ARHGEF3: variants seen among roughly 807,000 people sequenced by gnomAD.
The protein encoded by ARHGEF3 is Rho guanine nucleotide exchange factor 3.
ARHGEF3 carries 28 observed loss-of-function variants against 63.2 expected under a neutral mutation model. The observed-to-expected ratio is 0.44, with a 90% CI of 0.33 to 0.61. The LOEUF (loss-of-function observed/expected upper bound fraction) is 0.61. Among genes scored for constraint, ARHGEF3 ranks in the 20% least tolerant of loss-of-function variants. The pLI is 0.03. For missense variants in ARHGEF3, 533 were observed against 659.3 expected (o/e 0.81, Z 2.10); for synonymous variants, 266 against 254.2 (o/e 1.05, Z -0.44).
intron 4 of ARHGEF3, among the ~76,000 whole-genome samples, chr3:56,845,091 A>G (rs945600212): frequency 3.3e-5 from 5 of 152,146 alleles, no homozygotes; most frequent in Admixed American, 3.3e-4. Flanking sequence ...CCAGCCAACA[A>G]TAACAAGAAA....
chr3:56,756,395 C>A (rs1421583053), intron 2 of ARHGEF3, among the ~76,000 whole-genome samples: 1 of 152,134 alleles, frequency 6.6e-6, no homozygotes. Flanking sequence ...TATTTAGGAT[C>A]CCATCCTGCC....
At chr3:56,978,411 T>C (rs1365343770) in intron 2 of ARHGEF3, among the ~76,000 whole-genome samples, 1 of 152,166 alleles carries the variant, frequency 6.6e-6, no homozygotes, top group Non-Finnish European at 1.5e-5. Context: ...ATTTTTGTAA[T>C]AAGAAAATTT....
chr3:56,962,217 T>C (rs1700309802), intron 2 of ARHGEF3, among the ~76,000 whole-genome samples: 1 of 152,224 alleles, frequency 6.6e-6, no homozygotes, highest in Non-Finnish European at 1.5e-5. Context: ...TGAAGGATCC[T>C]AGCAGCATAA....
intron 3 of ARHGEF3, among the ~76,000 whole-genome samples, chr3:56,929,304 C>A (rs1179632832): frequency 6.6e-6 from 1 of 152,146 alleles, no homozygotes; most frequent in Non-Finnish European, 1.5e-5. Flanking sequence ...TTTATCACAG[C>A]CCAACTTTCT....
At chr3:56,787,297 AG>A (rs2036865043) in intron 1 of ARHGEF3, among the ~76,000 whole-genome samples, 1 of 152,308 alleles carries the variant, frequency 6.6e-6, no homozygotes, top group East Asian at 1.9e-4. Flanking sequence ...GACTGTGCAG[AG>A]GGCCACTTGA....
chr3:56,999,333 G>C (rs1234362728), intron 2 of ARHGEF3, among the ~76,000 whole-genome samples: 1 of 152,046 alleles, frequency 6.6e-6, no homozygotes, highest in Non-Finnish European at 1.5e-5. Context: ...TTACAAGCAT[G>C]AGCCACCACA....
At chr3:56,900,673 CT>C (rs1175475908) in intron 3 of ARHGEF3, among the ~76,000 whole-genome samples, 58 of 152,324 alleles carry the variant, frequency 3.8e-4, no homozygotes, top group African/African-American at 1.3e-3. Flanking sequence ...TATTTTTCTA[CT>C]TCCATTTATA....
intron 2 of ARHGEF3, among the ~76,000 whole-genome samples, chr3:56,966,670 G>A (rs1397643570): frequency 1.3e-5 from 2 of 151,952 alleles, no homozygotes; most frequent in Non-Finnish European, 2.9e-5. Flanking sequence ...CAAGGGAGGG[G>A]AAAAGAGAGT....
At chr3:56,989,646 C>G (rs1057265893) in intron 2 of ARHGEF3, among the ~76,000 whole-genome samples, 2 of 152,182 alleles carry the variant, frequency 1.3e-5, no homozygotes, top group East Asian at 3.8e-4. Flanking sequence ...GGACAGCACT[C>G]ATCTGGCCTC....
At chr3:56,901,555 G>T (rs76705303) in intron 3 of ARHGEF3, among the ~76,000 whole-genome samples, 26 of 151,298 alleles carry the variant, frequency 1.7e-4, no homozygotes, top group East Asian at 7.8e-4. Flanking sequence ...GGGGAATACA[G>T]GGCTAAGTTT....
rs183691984 is a variant in ARHGEF3 at position 57,024,777 on chromosome 3, G to A, written c.62+10311C>T. ...GCTGGGATTACAGGCGTGAGCCACCGCGCCCGGCCAAGAGCAGTTTTTTAT... is the reference window on the plus strand; with the variant it reads ...GCTGGGATTACAGGCGTGAGCCACCACGCCCGGCCAAGAGCAGTTTTTTAT... On this transcript the variant is annotated intron_variant, in intron 2 of 12. Coordinates refer to the ARHGEF3 transcript ENST00000338458. Among the ~76,000 whole-genome samples the A allele has an allele frequency of 2.7e-3, 404 of 152,304 alleles. 1 individual carries two copies. The highest frequency in any genetic ancestry group is 4.8e-3 in the South Asian group (23 of 4,832).
At chr3:57,042,951 C>T (rs1704290638) in intron 1 of ARHGEF3, among the ~76,000 whole-genome samples, 1 of 151,494 alleles carries the variant, frequency 6.6e-6, no homozygotes, top group Non-Finnish European at 1.5e-5. Context: ...CCCTCCTCAG[C>T]CTCCCAAAGT....
chr3:57,008,855 T>C (rs1024968207), intron 2 of ARHGEF3, among the ~76,000 whole-genome samples: 2 of 152,238 alleles, frequency 1.3e-5, no homozygotes, highest in Non-Finnish European at 2.9e-5. Context: ...CCTTGCAAGC[T>C]GGTGGATTTT....
intron 2 of ARHGEF3, among the ~76,000 whole-genome samples, chr3:56,978,597 T>C (rs1701210665): frequency 6.6e-6 from 1 of 152,222 alleles, no homozygotes; most frequent in African/African-American, 2.4e-5. Context: ...TATATGGGCA[T>C]ATCAAATGCA....
chr3:57,017,834 G>A (rs1455201352), intron 2 of ARHGEF3, among the ~76,000 whole-genome samples: 1 of 152,228 alleles, frequency 6.6e-6, no homozygotes, highest in African/African-American at 2.4e-5. Context: ...TCCAAAGGAT[G>A]CTGCCTGATG....
chr3:56,923,025 AATATATATATATATATATAT>A (rs72294634), intron 3 of ARHGEF3, among the ~76,000 whole-genome samples: 1,210 of 91,224 alleles, frequency 0.013, 47 homozygotes, highest in African/African-American at 0.053. Flanking sequence ...ATCTCTACTA[AATATATATATATATATATAT>A]ATATATATAT....
intron 2 of ARHGEF3, among the ~76,000 whole-genome samples, chr3:56,773,278 C>T (rs2036101656): frequency 6.6e-6 from 1 of 152,164 alleles, no homozygotes; most frequent in Admixed American, 6.5e-5. Flanking sequence ...AAGTAAAAAT[C>T]AGGCTTAGCT....
intron 8 of ARHGEF3, among the ~76,000 whole-genome samples, chr3:56,734,833 G>T (rs548090194): frequency 2.0e-5 from 3 of 152,204 alleles, no homozygotes; most frequent in East Asian, 3.9e-4. Context: ...CAAGTTAAAG[G>T]CTTTTTGGTG....
chr3:57,075,486 T>A (rs1706170372), intron 1 of ARHGEF3: 2 of 158,520 alleles, frequency 1.3e-5, no homozygotes, highest in East Asian at 1.9e-4. Flanking sequence ...GTCTTGCCAG[T>A]CCTCTTTTTT....
Sources: gnomAD v4.1 joint callset for allele counts (sites outside exome capture counted in the v4.1 genomes callset) on GRCh38, gnomAD v4.1.1 for gene constraint, MANE v1.5 for transcripts, NCBI Gene and HGNC (gene_info 2026-07-23, HGNC 2026-07-21) for gene names.